MORF4L1: variants seen among roughly 807,000 people sequenced by gnomAD.
MORF4L1 encodes the protein mortality factor 4-like protein 1.
Under a neutral mutation model 52.9 loss-of-function variants are expected in MORF4L1, and 4 were observed. The observed-to-expected ratio is 0.08, with a 90% CI of 0.04 to 0.17. The LOEUF is 0.17. Among genes scored for constraint, MORF4L1 ranks in the 10% least tolerant of loss-of-function variants. The pLI, the probability that MORF4L1 is intolerant of heterozygous loss-of-function variation, is 1.00. For synonymous variants in MORF4L1, 123 were observed against 134.8 expected (o/e 0.91, Z 0.61); for missense variants, 214 against 390.4 (o/e 0.55, Z 3.81).
chr15:78,879,450 G>C (rs1024375012), intron 2 of MORF4L1, among the ~76,000 whole-genome samples: 1 of 150,034 alleles, frequency 6.7e-6, no homozygotes, highest in African/African-American at 2.4e-5. Flanking sequence ...TTGAACTCCT[G>C]ACCTCGTGAT....
At chr15:78,890,852 T>A (rs1326087584) in intron 5 of MORF4L1, 137 bp from the exon 6 acceptor site, 1 of 745,986 alleles carries the variant, frequency 1.3e-6, no homozygotes, top group Non-Finnish European at 1.9e-6. Flanking sequence ...TCCTTGTGTC[T>A]GAGTAGGACA....
intron 3 of MORF4L1, among the ~76,000 whole-genome samples, chr15:78,884,219 A>G (rs1230820088): frequency 1.5e-5 from 2 of 134,180 alleles, no homozygotes; most frequent in Non-Finnish European, 3.2e-5. Context: ...AAAAAACAAA[A>G]AGCTGAAATT....
intron 1 of MORF4L1, among the ~76,000 whole-genome samples, chr15:78,876,773 A>G (rs2056500855): frequency 6.6e-6 from 1 of 152,138 alleles, no homozygotes; most frequent in Non-Finnish European, 1.5e-5. Context: ...CAGAAATGCT[A>G]TTCGTAGGTC....
chr15:78,883,675 T>C (rs527765961), intron 3 of MORF4L1, among the ~76,000 whole-genome samples: 111 of 152,332 alleles, frequency 7.3e-4, no homozygotes, highest in Admixed American at 1.7e-3. Flanking sequence ...TCTTTGTAGA[T>C]GTATTGAGGA....
chr15:78,881,208 T>TTTTTTTGG (rs5813941), intron 3 of MORF4L1, among the ~76,000 whole-genome samples: 1 of 147,470 alleles, frequency 6.8e-6, no homozygotes, highest in African/African-American at 2.5e-5. Context: ...TTTTTTTTTT[T>TTTTTTTGG]GAGAGATGGA....
At chr15:78,881,898 T>C (rs1473984322) in intron 3 of MORF4L1, among the ~76,000 whole-genome samples, 1 of 152,224 alleles carries the variant, frequency 6.6e-6, no homozygotes, top group Non-Finnish European at 1.5e-5. Context: ...ATTCTGTTAC[T>C]ATGGAAGGAG....
intron 3 of MORF4L1, among the ~76,000 whole-genome samples, chr15:78,882,991 G>C (rs1184539287): frequency 6.6e-6 from 1 of 152,112 alleles, no homozygotes; most frequent in Non-Finnish European, 1.5e-5. Context: ...AAAACGGTTG[G>C]ATCATTTGAG....
At chr15:78,891,796 T>C (rs773502720) in intron 7 of MORF4L1, 14 of 507,026 alleles carry the variant, frequency 2.8e-5, no homozygotes, top group Middle Eastern at 5.0e-4. Flanking sequence ...GTAAGCTTCA[T>C]GTTCACCTAC....
chr15:78,888,160 G>A (rs1018777338), intron 5 of MORF4L1, among the ~76,000 whole-genome samples: 1 of 152,162 alleles, frequency 6.6e-6, no homozygotes, highest in Non-Finnish European at 1.5e-5. Context: ...CATACATTTT[G>A]TATGTTTAAA....
chr15:78,895,955 G>A (rs570109685), intron 11 of MORF4L1, among the ~76,000 whole-genome samples: 1 of 151,758 alleles, frequency 6.6e-6, no homozygotes, highest in Admixed American at 6.6e-5. Flanking sequence ...GACATTTCAC[G>A]TTCCCTTTTA....
Position 78,874,198 on chromosome 15 carries a change from T to C in MORF4L1, c.40+1141T>C, listed in dbSNP as rs192753282. 2.6e-5 allele frequency among the ~76,000 whole-genome samples: 4 copies of C among 152,380 alleles called. No homozygotes were observed. The East Asian group carries it at 7.7e-4, about 29-fold the overall frequency. ...ACTTTAACATTCCTTTTCATTGCTA[T>C]GGAAATTTATGCTAGTTACCGTAAA... On this transcript the variant is annotated intron_variant, in intron 1 of 11. Transcript: ENST00000426013.
At chr15:78,878,293 A>G in intron 2 of MORF4L1, 34 bp downstream of exon 2, 1 of 1,599,636 alleles carries the variant, frequency 6.3e-7, no homozygotes, top group Non-Finnish European at 8.5e-7. Context: ...GAAGTTGGCC[A>G]AAACTACTGG....
At chr15:78,883,678 A>G (rs1167442317) in intron 3 of MORF4L1, among the ~76,000 whole-genome samples, 1 of 152,250 alleles carries the variant, frequency 6.6e-6, no homozygotes, top group Non-Finnish European at 1.5e-5. Flanking sequence ...TTGTAGATGT[A>G]TTGAGGAATA....
chr15:78,885,907 A>G (rs572588401), intron 3 of MORF4L1, among the ~76,000 whole-genome samples: 3 of 152,352 alleles, frequency 2.0e-5, no homozygotes, highest in Admixed American at 6.5e-5. Flanking sequence ...AATGATTTGA[A>G]TAATCTGCTT....
Position 78,880,950 on chromosome 15 carries a change from A to G in MORF4L1, c.155+371A>G, listed in dbSNP as rs117740268. ...CTTACCACAAACATGTTGATTATAT[A>G]TGTTATTTCAAGCAGCTGTGCTAAA... On this transcript the variant is annotated intron_variant, in intron 3 of 11. Transcript: ENST00000426013. Among the ~76,000 whole-genome samples the G allele has an allele frequency of 1.3e-3, 189 of 150,582 alleles. 5 individuals carry two copies. In the East Asian group the frequency reaches 0.03, roughly 24 times the overall value.
intron 1 of MORF4L1, among the ~76,000 whole-genome samples, chr15:78,874,579 C>T (rs372942095): frequency 3.7e-4 from 36 of 97,746 alleles, no homozygotes; most frequent in Non-Finnish European, 4.8e-4. Context: ...TTTTCTTTTT[C>T]TTTCTTTTTT....
chr15:78,894,435 GAC>G (rs1491222016), intron 10 of MORF4L1: 1 of 359,654 alleles, frequency 2.8e-6, no homozygotes, highest in African/African-American at 4.5e-5. Flanking sequence ...TTTTGAGACA[GAC>G]AGTCTCTGTT....
In MORF4L1 at chr15:78,892,195, C is replaced by G. The variant is rs761156352; in HGVS notation, c.439-17C>G. On this transcript the variant is annotated splice_polypyrimidine_tract_variant and intron_variant, in intron 7 of 11. Coordinates refer to ENST00000426013, the MANE Select transcript of MORF4L1 (RefSeq NM_006791.4). ...AAGAAAGGTTAGGTTTTTAATACTC[C>G]TCCTGTTTCTGTTTAGGAGGAAACA... The G allele has an allele frequency of 6.4e-7, 1 of 1,573,808 alleles. No homozygotes were observed. The highest frequency in any genetic ancestry group is 8.7e-7 in the Non-Finnish European group (1 of 1,147,906).
At chr15:78,874,954 AC>A (rs752417626) in intron 1 of MORF4L1, among the ~76,000 whole-genome samples, 1 of 152,026 alleles carries the variant, frequency 6.6e-6, no homozygotes, top group Non-Finnish European at 1.5e-5. Context: ...AAAAACCACC[AC>A]ATTAGCATTT....
Sources: allele counts gnomAD v4.1 joint callset (sites outside exome capture counted in the v4.1 genomes callset), GRCh38; gene constraint gnomAD v4.1.1; transcripts MANE v1.5; gene names NCBI Gene and HGNC (gene_info 2026-07-23, HGNC 2026-07-21).